Variants in FARS2 observed in about 807,000 individuals in gnomAD.
The protein encoded by FARS2 is phenylalanine--tRNA ligase, mitochondrial.
In FARS2, 40 loss-of-function variants were observed where a neutral mutation model predicts 46.4. That is an observed-to-expected ratio of 0.86 (90% confidence interval 0.67 to 1.12). The LOEUF is 1.12. Among genes scored for constraint, FARS2 ranks in the 50% most tolerant of loss-of-function variants. The pLI is 0.00. For missense variants in FARS2, 513 were observed against 567.9 expected, an observed-to-expected ratio of 0.90 and a Z score of 0.98; for synonymous variants, 234 against 214.9, an observed-to-expected ratio of 1.09 and a Z score of -0.78.
chr6:5,359,699 A>G (rs989099859), intron 1 of FARS2, among the ~76,000 whole-genome samples: 1 of 152,258 alleles, frequency 6.6e-6, no homozygotes, highest in Admixed American at 6.5e-5. Context: ...ACTGATGGTT[A>G]TAAACCATGC....
At chr6:5,425,958 A>T (rs984874200) in intron 3 of FARS2, among the ~76,000 whole-genome samples, 1 of 152,184 alleles carries the variant, frequency 6.6e-6, no homozygotes, top group African/African-American at 2.4e-5. Context: ...CTCAAAGAGG[A>T]TAAGTAAGCT....
intron 6 of FARS2, among the ~76,000 whole-genome samples, chr6:5,737,757 A>G (rs1761043257): frequency 6.9e-6 from 1 of 145,140 alleles, no homozygotes. Context: ...TTGGCCTTTT[A>G]CCATGTACCC....
rs1241042179 is a variant in FARS2 at position 5,335,300 on chromosome 6, GAACA to G, written c.-21-33245_-21-33242del. Among the ~76,000 whole-genome samples, 9 of 152,236 alleles carry G rather than the reference GAACA, an allele frequency of 5.9e-5. No individual in the cohort carries two copies. In the East Asian group the frequency reaches 1.5e-3, roughly 26 times the overall value. On this transcript the variant is annotated intron_variant, in intron 1 of 6. Transcript: ENST00000274680. ...GTTTAGCAGCCCAGGCCTGAAAGAG[GAACA>G]AACAGAGAGGGAAATGAGAATAAGA...
At chr6:5,537,388 C>G (rs1479886247) in intron 4 of FARS2, among the ~76,000 whole-genome samples, 1 of 152,134 alleles carries the variant, frequency 6.6e-6, no homozygotes, top group African/African-American at 2.4e-5. Context: ...CACCCCAGAC[C>G]CTACACAGAG....
chr6:5,563,564 G>C (rs1378557904), intron 5 of FARS2, among the ~76,000 whole-genome samples: 1 of 152,122 alleles, frequency 6.6e-6, no homozygotes, highest in African/African-American at 2.4e-5. Flanking sequence ...GGGGGTTTTG[G>C]GGGATGACTC....
intron 6 of FARS2, among the ~76,000 whole-genome samples, chr6:5,700,937 C>T (rs1192608197): frequency 6.6e-6 from 1 of 152,214 alleles, no homozygotes; most frequent in Non-Finnish European, 1.5e-5. Context: ...TTTTTCCAAA[C>T]GACCTCAGAT....
chr6:5,628,781 A>G (rs1399952692), intron 6 of FARS2, among the ~76,000 whole-genome samples: 1 of 152,334 alleles, frequency 6.6e-6, no homozygotes, highest in Admixed American at 6.5e-5. Context: ...CCCTTCCCAC[A>G]GCCTGGTTAT....
chr6:5,346,752 CT>C (rs199611864), intron 1 of FARS2, among the ~76,000 whole-genome samples: 13 of 149,452 alleles, frequency 8.7e-5, no homozygotes, highest in African/African-American at 2.2e-4. Context: ...TCCAACAATT[CT>C]TTTTTTTTTG....
rs569491100 is a variant in FARS2, at chr6:5,436,223, T to C, written c.904+5051T>C. 3.0e-4 allele frequency among the ~76,000 whole-genome samples: 45 copies of C among 152,338 alleles called. 1 individual carries two copies. In the South Asian group the frequency reaches 8.7e-3, roughly 29 times the overall value. On this transcript the variant is annotated intron_variant, in intron 4 of 6. Transcript: ENST00000274680. ...ATGCGATAGATATTTGAAATGTGCATCCCAGAGTTAGTTAGGTTCTTGTTT... is the reference window on the plus strand; with the variant it reads ...ATGCGATAGATATTTGAAATGTGCACCCCAGAGTTAGTTAGGTTCTTGTTT...
chr6:5,579,386 G>A (rs370052887), intron 5 of FARS2, among the ~76,000 whole-genome samples: 25 of 152,016 alleles, frequency 1.6e-4, no homozygotes, highest in African/African-American at 5.1e-4. Context: ...TCAGCCTCCC[G>A]AGTAGCAGGG....
intron 5 of FARS2, among the ~76,000 whole-genome samples, chr6:5,606,784 A>T (rs1215932268): frequency 6.6e-6 from 1 of 152,178 alleles, no homozygotes; most frequent in African/African-American, 2.4e-5. Flanking sequence ...ACTGGGCTGG[A>T]GCACAGCTGA....
chr6:5,396,805 C>G, intron 2 of FARS2, among the ~76,000 whole-genome samples: 1 of 152,142 alleles, frequency 6.6e-6, no homozygotes, highest in Middle Eastern at 3.2e-3. Context: ...GGAAGTCAAA[C>G]CTGGGCCCCT....
At chr6:5,428,435 G>A (rs1762970122) in intron 3 of FARS2, among the ~76,000 whole-genome samples, 1 of 152,152 alleles carries the variant, frequency 6.6e-6, no homozygotes. Context: ...AAATCATGAT[G>A]TTAACCCTGA....
intron 2 of FARS2, among the ~76,000 whole-genome samples, chr6:5,386,620 A>G (rs1485801843): frequency 6.6e-6 from 1 of 152,180 alleles, no homozygotes; most frequent in East Asian, 1.9e-4. Flanking sequence ...GAAAGGATGT[A>G]AAAGAGGTGG....
At chr6:5,755,518 A>G (rs1016593931) in intron 6 of FARS2, among the ~76,000 whole-genome samples, 4 of 152,074 alleles carry the variant, frequency 2.6e-5, no homozygotes, top group Non-Finnish European at 5.9e-5. Context: ...TTCTTTTTTC[A>G]TTATGCTCTT....
intron 6 of FARS2, among the ~76,000 whole-genome samples, chr6:5,689,126 A>G (rs1024549118): frequency 2.0e-5 from 3 of 151,858 alleles, no homozygotes; most frequent in Admixed American, 2.0e-4. Context: ...CAGTCTCTCA[A>G]TTTTGTTGAT....
chr6:5,483,461 A>C (rs1334190623), intron 4 of FARS2, among the ~76,000 whole-genome samples: 1 of 152,128 alleles, frequency 6.6e-6, no homozygotes, highest in East Asian at 1.9e-4. Flanking sequence ...TGAGGTCACG[A>C]GGTCAAGATC....
At chr6:5,413,713 C>G (rs1762066843) in intron 3 of FARS2, among the ~76,000 whole-genome samples, 1 of 152,168 alleles carries the variant, frequency 6.6e-6, no homozygotes, top group African/African-American at 2.4e-5. Context: ...AATATGTGCC[C>G]AAATCTCTTT....
At chr6:5,477,625 T>C (rs1488001953) in intron 4 of FARS2, among the ~76,000 whole-genome samples, 2 of 152,250 alleles carry the variant, frequency 1.3e-5, no homozygotes, top group Non-Finnish European at 2.9e-5. Context: ...AATTACTTAA[T>C]GTCTCTGGGC....
Sources: gnomAD v4.1 joint callset for allele counts (sites outside exome capture counted in the v4.1 genomes callset) on GRCh38, gnomAD v4.1.1 for gene constraint, MANE v1.5 for transcripts, NCBI Gene and HGNC (gene_info 2026-07-23, HGNC 2026-07-21) for gene names.